The following TTC28 variants were observed in gnomAD, a reference collection of about 807,000 sequenced individuals.
The protein encoded by TTC28 is tetratricopeptide repeat domain 28.
A neutral mutation model predicts 198.0 loss-of-function variants in TTC28; 61 were observed. The observed-to-expected ratio is 0.31, with a 90% CI of 0.25 to 0.38. The LOEUF (loss-of-function observed/expected upper bound fraction) is 0.38. Ranked by LOEUF, TTC28 falls within the 10% of genes least tolerant of loss-of-function variation. TTC28 has a pLI of 1.00. For synonymous variants in TTC28, 1,171 were observed against 1,297.8 expected (o/e 0.90, Z 2.10); for missense variants, 2,678 against 3,164.0 (o/e 0.85, Z 3.69).
At chr22:28,396,371 G>C (rs2046815870) in intron 2 of TTC28, among the ~76,000 whole-genome samples, 1 of 152,196 alleles carries the variant, frequency 6.6e-6, no homozygotes, top group Non-Finnish European at 1.5e-5. Flanking sequence ...TCCACTGGCT[G>C]TCTGTTCATA....
chr22:28,087,728 G>A (rs954359534), intron 12 of TTC28, among the ~76,000 whole-genome samples: 2 of 152,174 alleles, frequency 1.3e-5, no homozygotes, highest in African/African-American at 2.4e-5. Flanking sequence ...AATCGTCCCT[G>A]TTTGCAGATG....
At chr22:28,048,388 G>A (rs1405635026) in intron 12 of TTC28, among the ~76,000 whole-genome samples, 2 of 151,990 alleles carry the variant, frequency 1.3e-5, no homozygotes, top group Non-Finnish European at 2.9e-5. Context: ...GCTTTGGGGT[G>A]GGAGATGTGC....
chr22:28,058,208 T>C (rs1057465547), intron 12 of TTC28, among the ~76,000 whole-genome samples: 1 of 152,096 alleles, frequency 6.6e-6, no homozygotes, highest in Non-Finnish European at 1.5e-5. Context: ...AAACAATATG[T>C]AAACAAATGG....
intron 1 of TTC28, among the ~76,000 whole-genome samples, chr22:28,658,585 T>A (rs5762737): frequency 6.6e-6 from 1 of 152,070 alleles, no homozygotes; most frequent in African/African-American, 2.4e-5. Context: ...TTTTACAAGA[T>A]GAAGAGTTAT....
At chr22:28,674,246 T>C (rs2145715895) in intron 1 of TTC28, among the ~76,000 whole-genome samples, 1 of 150,470 alleles carries the variant, frequency 6.6e-6, no homozygotes, top group South Asian at 2.1e-4. Context: ...GGGTTTCTGT[T>C]TGTGGTTTTT....
At chr22:28,297,545 C>T in intron 4 of TTC28, 35 bp downstream of exon 4, 1 of 1,532,474 alleles carries the variant, frequency 6.5e-7, no homozygotes. Context: ...TTCTTTGTTC[C>T]CTTTCTGCAC....
At chr22:28,200,731 A>G (rs993704264) in intron 5 of TTC28, among the ~76,000 whole-genome samples, 9 of 152,140 alleles carry the variant, frequency 5.9e-5, no homozygotes, top group African/African-American at 2.2e-4. Flanking sequence ...GCAATTAAGG[A>G]GCAGAATGGA....
At chr22:28,216,327 G>A (rs976657858) in intron 5 of TTC28, among the ~76,000 whole-genome samples, 2 of 152,320 alleles carry the variant, frequency 1.3e-5, no homozygotes, top group Non-Finnish European at 1.5e-5. Flanking sequence ...TATGTTCAAT[G>A]AGTGGGAGTG....
At chr22:28,412,566 C>A (rs777607584) in intron 2 of TTC28, among the ~76,000 whole-genome samples, 14 of 152,322 alleles carry the variant, frequency 9.2e-5, no homozygotes, top group Admixed American at 4.6e-4. Context: ...CAATACTCTT[C>A]TCTCCCTACC....
At chr22:28,177,370 A>C (rs558464908) in intron 5 of TTC28, among the ~76,000 whole-genome samples, 2 of 152,358 alleles carry the variant, frequency 1.3e-5, no homozygotes, top group South Asian at 4.1e-4. Context: ...TGCTGACAAG[A>C]ACATGGAACA....
At position 28,428,319 on chromosome 22, in the gene TTC28, C is replaced by T. The variant is rs181907869; in HGVS notation, c.382-121676G>A. On this transcript the variant is annotated intron_variant, in intron 2 of 22. Transcript: ENST00000397906. ...AAATCCCTTTACTTTTGAAATCACT[C>T]TAGTAAAAATGAAGGGATAAATAAG... Among the ~76,000 whole-genome samples the T allele has an allele frequency of 1.6e-4, 25 of 152,164 alleles. No individual in the cohort carries two copies. In the East Asian group the frequency reaches 4.8e-3, roughly 29 times the overall value.
chr22:28,243,612 C>T (rs1424687202), intron 5 of TTC28, among the ~76,000 whole-genome samples: 3 of 152,056 alleles, frequency 2.0e-5, no homozygotes, highest in African/African-American at 4.8e-5. Flanking sequence ...TCTGGCCCAG[C>T]AGCGAAATTC....
At chr22:28,300,852 G>A (rs1291284542) in intron 3 of TTC28, among the ~76,000 whole-genome samples, 1 of 152,184 alleles carries the variant, frequency 6.6e-6, no homozygotes, top group Admixed American at 6.5e-5. Context: ...ATACTTGTAG[G>A]GAAGGAAGTT....
At position 28,005,951 on chromosome 22, in the gene TTC28, T is replaced by C. The variant is rs1210393877; in HGVS notation, c.4219-4398A>G. ...CCTATATCTTACAGTTATTTGCCTATCATGGGTAATAGTTCTCAATACTAA... is the reference window on the plus strand; with the variant it reads ...CCTATATCTTACAGTTATTTGCCTACCATGGGTAATAGTTCTCAATACTAA... On this transcript the variant is annotated intron_variant, in intron 14 of 22. Transcript: ENST00000397906. This position sits in a 1 kb window ranked among gnomAD's most constrained non-coding sequence, Gnocchi z 4.9. Among the ~76,000 whole-genome samples the C allele has an allele frequency of 6.6e-6, 1 of 152,196 alleles. No homozygotes were observed. Among genetic ancestry groups the C allele is most frequent in the African/African-American group, 2.4e-5 (1 of 41,432 alleles).
In TTC28 at chr22:28,105,506, G is replaced by A; in HGVS notation, c.3080C>T (p.Ala1027Val). ...GCACGTGGGGTTGTTGGTTTCCTCT[G>A]CTATCTGTAGATCAAGCTGGTGGTA... ...LQYHQLDLQI[A>V]EETNNPTCQG... The change falls in exon 8 of 23, where the codon GCA becomes GTA. Residue 1027 changes from alanine (A) to valine (V), a missense_variant. Ala to Val is a moderately conservative substitution (Grantham distance 64). Around this residue, in one of 8 missense-constraint regions of TTC28, gnomAD observed 727 missense variants for 861.9 expected, o/e 0.84. Coordinates refer to ENST00000397906, the MANE Select transcript of TTC28 (RefSeq NM_001145418.2). The A allele has an allele frequency of 6.4e-7, 1 of 1,551,658 alleles. No homozygotes were observed. The highest frequency in any genetic ancestry group is 8.7e-7 in the Non-Finnish European group (1 of 1,146,990).
chr22:28,189,053 A>C (rs78819051), intron 5 of TTC28, among the ~76,000 whole-genome samples: 6 of 152,170 alleles, frequency 3.9e-5, no homozygotes, highest in African/African-American at 7.2e-5. Flanking sequence ...TTCAAAAAAA[A>C]CCACAAAGTA....
chr22:28,018,498 CGCA>C (rs1423489994), intron 13 of TTC28, among the ~76,000 whole-genome samples: 1 of 152,194 alleles, frequency 6.6e-6, no homozygotes, highest in East Asian at 1.9e-4. Context: ...CGCCCAGCCC[CGCA>C]GCAGCAGCCT....
At chr22:27,998,188 T>C (rs1193708284) in intron 16 of TTC28, 3 of 295,872 alleles carry the variant, frequency 1.0e-5, no homozygotes, top group Non-Finnish European at 1.9e-5. Context: ...AGCCAGGACA[T>C]GGAGTAGATC....
chr22:28,143,204 G>C (rs1009085145), intron 6 of TTC28, among the ~76,000 whole-genome samples: 6 of 152,042 alleles, frequency 3.9e-5, no homozygotes, highest in Non-Finnish European at 5.9e-5. Flanking sequence ...GCATGGTAGG[G>C]GCTCAAAAAT....
Sources: gnomAD v4.1 joint callset for allele counts (sites outside exome capture counted in the v4.1 genomes callset) on GRCh38, gnomAD v4.1.1 for gene constraint, gnomAD v4.1.1 regional missense constraint, Gnocchi (gnomAD v3.1) non-coding constraint, MANE v1.5 for transcripts, NCBI Gene and HGNC (gene_info 2026-07-23, HGNC 2026-07-21) for gene names.